FAM114A2: variants seen among roughly 807,000 people sequenced by gnomAD.
The protein encoded by FAM114A2 is protein FAM114A2.
FAM114A2 carries 53 observed loss-of-function variants against 58.4 expected under a neutral mutation model. The observed-to-expected ratio is 0.91, with a 90% CI of 0.73 to 1.14. FAM114A2 has a LOEUF of 1.14. Among genes scored for constraint, FAM114A2 ranks in the 50% most tolerant of loss-of-function variants. The probability of loss-of-function intolerance (pLI) is 0.00; values close to 1 mark genes in which losing one functional copy is unlikely to be tolerated. For synonymous variants in FAM114A2, 228 were observed against 211.4 expected (o/e 1.08, Z -0.68); for missense variants, 601 against 581.1 (o/e 1.03, Z -0.35).
chr5:154,015,642 T>C (rs947585632), intron 8 of FAM114A2, among the ~76,000 whole-genome samples: 3 of 152,104 alleles, frequency 2.0e-5, no homozygotes, highest in African/African-American at 7.2e-5. Flanking sequence ...GCCCTAGACC[T>C]TTCCTCTGAC....
intron 1 of FAM114A2, chr5:154,036,097 A>T (rs1444236473): frequency 1.3e-5 from 2 of 151,584 alleles, no homozygotes; most frequent in Non-Finnish European, 2.9e-5. Flanking sequence ...GTTTGCAAAT[A>T]TTTTTTTCCA....
At chr5:153,994,794 T>G (rs544208334) in intron 13 of FAM114A2, 125 bp downstream of exon 13, 1 of 647,034 alleles carries the variant, frequency 1.5e-6, no homozygotes, top group African/African-American at 1.8e-5. Flanking sequence ...TTCTGTCATA[T>G]CTACATCAAT....
rs114919498 is a variant in FAM114A2 at position 154,033,843 on chromosome 5, G to A, written c.351C>T (p.Ser117=). 2.1e-5 allele frequency: 34 copies of A among 1,611,018 alleles called. No homozygotes were observed. Among genetic ancestry groups the A allele is most frequent in the Non-Finnish European group, 2.8e-5 (33 of 1,177,446 alleles). Residue 117 remains serine, a synonymous_variant, in exon 4 of 14, where the codon TCC becomes TCT. Coordinates refer to ENST00000351797, the MANE Select transcript of FAM114A2 (RefSeq NM_018691.4). ...ISNVIEKAET[S]LGIPGPSEIS... is the part of the protein sequence containing the mutation. Reference sequence around the variant, plus strand: ...TTTCACTGGGACCAGGGATTCCAAGGGAAGTCTCTGCCTTCTCGATGACAT... The same window carrying A: ...TTTCACTGGGACCAGGGATTCCAAGAGAAGTCTCTGCCTTCTCGATGACAT...
At chr5:154,016,002 T>G (rs112261123) in intron 8 of FAM114A2, among the ~76,000 whole-genome samples, 5,737 of 151,822 alleles carry the variant, frequency 0.038, 280 homozygotes, top group African/African-American at 0.11. Flanking sequence ...AGCAATAGAA[T>G]TGAACAAGCA....
chr5:154,025,139 C>T (rs187279464), intron 8 of FAM114A2, among the ~76,000 whole-genome samples: 198 of 152,162 alleles, frequency 1.3e-3, no homozygotes, highest in African/African-American at 4.2e-3. Context: ...CAGCTCACAA[C>T]TCAAATAATG....
chr5:154,020,541 T>C (rs935213874), intron 8 of FAM114A2, among the ~76,000 whole-genome samples: 1 of 151,392 alleles, frequency 6.6e-6, no homozygotes, highest in African/African-American at 2.4e-5. Context: ...AACTAGAAAA[T>C]CAAGAAGAAA....
At chr5:154,006,346 G>C (rs1273270220) in intron 9 of FAM114A2, among the ~76,000 whole-genome samples, 2 of 152,170 alleles carry the variant, frequency 1.3e-5, no homozygotes, top group Non-Finnish European at 1.5e-5. Context: ...AAATAAAATG[G>C]AGTAACGGTG....
At chr5:154,004,660 T>C (rs1770233410) in intron 9 of FAM114A2, among the ~76,000 whole-genome samples, 1 of 152,148 alleles carries the variant, frequency 6.6e-6, no homozygotes, top group East Asian at 1.9e-4. Flanking sequence ...CCATCTTAGA[T>C]TTTTTTCCTC....
At chr5:154,004,519 C>T (rs1770223185) in intron 9 of FAM114A2, among the ~76,000 whole-genome samples, 1 of 152,182 alleles carries the variant, frequency 6.6e-6, no homozygotes, top group Non-Finnish European at 1.5e-5. Flanking sequence ...CTGCAGGCAT[C>T]ACACATACAA....
In FAM114A2 at chr5:154,029,423, G is replaced by C. The variant is rs367895606; in HGVS notation, c.495+66C>G. On this transcript the variant is annotated intron_variant, in intron 5 of 13. Coordinates refer to ENST00000351797, the MANE Select transcript of FAM114A2 (RefSeq NM_018691.4). Reference sequence around the variant, plus strand: ...CACATGGCTGTTCAAAGAAAAGAGAGAGAAAGATATGCAAACCCATTATAA... The same window carrying C: ...CACATGGCTGTTCAAAGAAAAGAGACAGAAAGATATGCAAACCCATTATAA... 511 of 916,066 alleles carry C rather than the reference G, an allele frequency of 5.6e-4. 5 individuals are homozygous for C. The South Asian group carries it at 6.6e-3, about 12-fold the overall frequency. 56.7% of individuals were successfully genotyped at this position (916,066 alleles called of 1,614,324 possible).
rs766112544 is a variant in FAM114A2, at chr5:154,002,870, G to C, written c.1093C>G (p.Gln365Glu). The C allele has an allele frequency of 9.3e-6, 15 of 1,614,002 alleles. No homozygotes were observed. In the South Asian group the frequency reaches 1.4e-4, roughly 15 times the overall value. ...ACCTCTATTGAATTTTTGTTGACTT[G>C]CTCAGTATTTTCTGCTTCCGACTGT... Reference protein sequence around the residue: ...EKQSEAENTEQVNKNSIEDIH... With the variant: ...EKQSEAENTEEVNKNSIEDIH... The change falls in exon 10 of 14, where the codon CAA (glutamine) becomes GAA (glutamate). Residue 365 changes from glutamine to glutamate, a missense_variant. Transcript: ENST00000351797.
At chr5:154,029,462 C>G (rs1228357885) in intron 5 of FAM114A2, 27 bp downstream of exon 5, 4 of 1,230,038 alleles carry the variant, frequency 3.3e-6, no homozygotes, top group Middle Eastern at 1.9e-4. Context: ...TGGAAAGGAA[C>G]AGACCACCTT....
intron 13 of FAM114A2, 95 bp from the exon 14 acceptor site, chr5:153,993,205 A>C: frequency 7.9e-6 from 8 of 1,012,926 alleles, no homozygotes; most frequent in Admixed American, 2.8e-5. Context: ...AATTTTTGTA[A>C]TCTAACTGAA....
intron 11 of FAM114A2, 113 bp from the exon 12 acceptor site, chr5:153,997,988 A>G: frequency 1.5e-6 from 1 of 656,796 alleles, no homozygotes; most frequent in Non-Finnish European, 2.6e-6. Flanking sequence ...GTGAAAGAAG[A>G]AAGCTTTTCA....
At chr5:154,013,536 C>A (rs999425777) in intron 8 of FAM114A2, among the ~76,000 whole-genome samples, 1 of 152,186 alleles carries the variant, frequency 6.6e-6, no homozygotes, top group Non-Finnish European at 1.5e-5. Context: ...GAGTTCTGAT[C>A]TCTGGTGAAC....
chr5:154,025,420 C>T (rs141387735), intron 8 of FAM114A2, among the ~76,000 whole-genome samples: 14 of 148,320 alleles, frequency 9.4e-5, no homozygotes, highest in African/African-American at 3.4e-4. Context: ...AGCACAAATG[C>T]CAAAGCAGAA....
chr5:154,033,641 AATT>A, intron 4 of FAM114A2, 147 bp downstream of exon 4: 1 of 572,784 alleles, frequency 1.7e-6, no homozygotes. Context: ...ATAGATGTCT[AATT>A]GGGAACTAAA....
At position 153,990,522 on chromosome 5, in the gene FAM114A2, A is replaced by C. The variant is rs1422130007; in HGVS notation, c.*2454T>G. The C allele has an allele frequency of 6.6e-5, 10 of 152,130 alleles. No homozygotes were observed. The East Asian group carries it at 1.5e-3, about 23-fold the overall frequency. The allele number at this position is 152,130 out of a possible 1,614,324, so 9.4% of individuals were successfully genotyped here. Reference sequence around the variant, plus strand: ...CTTAAAAAAAAAAAAAAAAACTATCAAAAGCAAGTAAGGAAAATATAGCTT... The same window carrying C: ...CTTAAAAAAAAAAAAAAAAACTATCCAAAGCAAGTAAGGAAAATATAGCTT... On this transcript the variant is annotated 3_prime_UTR_variant, in exon 14 of 14. Transcript: ENST00000351797.
chr5:154,020,439 G>A (rs1209029600), intron 8 of FAM114A2, among the ~76,000 whole-genome samples: 1 of 152,020 alleles, frequency 6.6e-6, no homozygotes, highest in African/African-American at 2.4e-5. Flanking sequence ...TCAAATAGAT[G>A]CAATAAAAAA....
Sources: allele counts gnomAD v4.1 joint callset (sites outside exome capture counted in the v4.1 genomes callset), GRCh38; gene constraint gnomAD v4.1.1; transcripts MANE v1.5; gene names NCBI Gene and HGNC (gene_info 2026-07-23, HGNC 2026-07-21).